The following KRT14 variants were observed in gnomAD, a reference collection of about 807,000 sequenced individuals.
KRT14 encodes the protein keratin, type I cytoskeletal 14.
KRT14 carries 30 observed loss-of-function variants against 44.5 expected under a neutral mutation model. That is an observed-to-expected ratio of 0.67 (90% CI 0.50 to 0.92). The LOEUF is 0.92. KRT14 is among the 40% of genes least tolerant of loss of function. The probability of loss-of-function intolerance (pLI) is 0.00; values close to 1 mark genes in which losing one functional copy is unlikely to be tolerated. For missense variants in KRT14, 535 were observed against 640.6 expected (o/e 0.84, Z 1.78); for synonymous variants, 241 against 257.6 (o/e 0.94, Z 0.62).
chr17:41,584,913 C>A (rs1907476465), intron 2 of KRT14, 62 bp downstream of exon 2: 5 of 1,282,710 alleles, frequency 3.9e-6, no homozygotes, highest in Admixed American at 3.4e-5. Flanking sequence ...TTGGGAAACA[C>A]TGCTCCAAAA....
chr17:41,586,272 C>G, intron 1 of KRT14, 38 bp downstream of exon 1: 1 of 1,611,574 alleles, frequency 6.2e-7, no homozygotes, highest in Middle Eastern at 2.3e-4. Context: ...CCAGAAGGAG[C>G]TAGCTGGAAT....
rs1189537125 is a variant in KRT14, at chr17:41,586,776, A to C, written c.59T>G (p.Ile20Ser). ...SSSSMKGSCG[I>S]GGGIGGGSSR... is the part of the protein sequence containing the mutation. ...GGAGCCGCCCCCGATGCCGCCCCCG[A>C]TGCCGCAGGAGCCCTTCATGGAGCT... The change falls in exon 1 of 8, where the codon ATC becomes AGC. Residue 20 changes from isoleucine (I) to serine (S), a missense_variant. Transcript: ENST00000167586. 4.4e-6 allele frequency: 7 copies of C among 1,586,124 alleles called. No individual in the cohort carries two copies. The South Asian group carries it at 7.9e-5, about 18-fold the overall frequency.
rs1907453601 is a variant in KRT14, at chr17:41,584,309, T to C, written c.713A>G (p.Gln238Arg). The change falls in exon 3 of 8, where the codon CAG becomes CGG. Residue 238 changes from glutamine (Q) to arginine (R), a missense_variant. Gln to Arg is a conservative substitution (Grantham distance 43, BLOSUM62 1). Coordinates refer to ENST00000167586, the MANE Select transcript of KRT14 (RefSeq NM_000526.5). ...CAGCTCCTCCTTCAGGCTCTCAATC[T>C]GCATCTCCAGGTCAGCTCTGGCCAG... Reference protein sequence around the residue: ...LTLARADLEMQIESLKEELAY... With the variant: ...LTLARADLEMRIESLKEELAY... The C allele has an allele frequency of 6.2e-6, 10 of 1,614,016 alleles. No individual in the cohort carries two copies. The highest frequency in any genetic ancestry group is 6.8e-6 in the Non-Finnish European group (8 of 1,180,014).
Position 41,583,362 on chromosome 17 carries a change from G to T in KRT14, c.1147C>A (p.Gln383Lys). The change falls in exon 6 of 8, where the codon CAG becomes AAG. Residue 383 changes from glutamine (Q) to lysine (K), a missense_variant. Gln to Lys is a moderately conservative substitution (Grantham distance 53). Coordinates refer to ENST00000167586, the MANE Select transcript of KRT14 (RefSeq NM_000526.5). Reference protein sequence around the residue: ...IQEMIGSVEEQLAQLRCEMEQ... With the variant: ...IQEMIGSVEEKLAQLRCEMEQ... ...ATCTCGCAGCGGAGCTGGGCCAGCT[G>T]CTCCTCCACGCTGCCAATCATCTCC... 1 of 1,613,726 alleles carries T rather than the reference G, an allele frequency of 6.2e-7. No individual in the cohort carries two copies. Among genetic ancestry groups the T allele is most frequent in the Non-Finnish European group, 8.5e-7 (1 of 1,180,014 alleles).
rs773622623 is a variant in KRT14 at position 41,583,658 on chromosome 17, C to T, written c.946G>A (p.Glu316Lys). Residue 316 changes from glutamate to lysine, a missense_variant, in exon 5 of 8, where the codon GAG becomes AAG. Transcript: ENST00000167586. ...ACCAGCTCGCTGTTGGTGGCCACCT[C>T]GCGGTTCAGCTCCTCTGTCTGCAAA... The part of the protein sequence containing the change: ...FFTKTEELNR[E>K]VATNSELVQS... The T allele has an allele frequency of 1.9e-6, 3 of 1,614,196 alleles. No homozygotes were observed. Among genetic ancestry groups the T allele is most frequent in the East Asian group, 2.2e-5 (1 of 44,886 alleles).
chr17:41,584,069 C>CTTTTTTTTTTTTTTTT, intron 3 of KRT14, 148 bp from the exon 4 acceptor site: 3 of 304,052 alleles, frequency 9.9e-6, no homozygotes, highest in South Asian at 5.9e-5. Context: ...CTCTCTCTCT[C>CTTTTTTTTTTTTTTTT]TTTTTTTTTT....
intron 2 of KRT14, among the ~76,000 whole-genome samples, chr17:41,584,623 G>A (rs561736153): frequency 6.6e-6 from 1 of 152,302 alleles, no homozygotes; most frequent in East Asian, 1.9e-4. Flanking sequence ...TCATCTTGCT[G>A]CAGAAATCAG....
Position 41,582,459 on chromosome 17 carries a change from C to T in KRT14, c.1395G>A (p.Glu465=), listed in dbSNP as rs1433017598. 19 of 1,569,604 alleles carry T rather than the reference C, an allele frequency of 1.2e-5. No individual in the cohort carries two copies. Among genetic ancestry groups the T allele is most frequent in the Non-Finnish European group, 1.6e-5 (19 of 1,157,398 alleles). ...CTCAGTTCTTGGTGCGAAGGACCTG[C>T]TCGTGGGTGGACACCACCTTGCCAT... ...VHDGKVVSTH[E]QVLRTKN is the part of the protein sequence containing the mutation. The change falls in exon 8 of 8, where the codon GAG becomes GAA. Residue 465 remains glutamate (E), a synonymous_variant. Transcript: ENST00000167586.
chr17:41,582,486 G>A lies in KRT14; in HGVS notation c.1368C>T (p.His456=), dbSNP rs372559964. 2.6e-5 allele frequency: 41 copies of A among 1,574,344 alleles called. No individual in the cohort carries two copies. The East Asian group carries it at 3.3e-4, about 13-fold the overall frequency. ...RQIRTKVMDV[H]DGKVVSTHEQ... is the part of the protein sequence containing the mutation. ...CGTGGGTGGACACCACCTTGCCATCGTGCACATCCATGACCTTGGTGCGGA... is the reference window on the plus strand; with the variant it reads ...CGTGGGTGGACACCACCTTGCCATCATGCACATCCATGACCTTGGTGCGGA... Residue 456 remains histidine (H), a synonymous_variant, in exon 8 of 8, where the codon CAC becomes CAT. Transcript: ENST00000167586.
At position 41,583,776 on chromosome 17, in the gene KRT14, T is replaced by G. The variant is rs1354194713; in HGVS notation, c.911A>C (p.Glu304Ala). 2 of 1,614,118 alleles carry G rather than the reference T, an allele frequency of 1.2e-6. No individual in the cohort carries two copies. Among genetic ancestry groups the G allele is most frequent in the Admixed American group, 3.3e-5 (2 of 60,010 alleles). The change falls in exon 4 of 8, where the codon GAA becomes GCA. Residue 304 changes from glutamate (E) to alanine (A), a missense_variant. Coordinates refer to ENST00000167586, the MANE Select transcript of KRT14 (RefSeq NM_000526.5). ...MAEKNRKDAE[E>A]WFFTKTEELN... ...GACACCCACCTTGGTGAAGAACCATTCCTCGGCATCCTTGCGGTTCTTCTC... is the reference window on the plus strand; with the variant it reads ...GACACCCACCTTGGTGAAGAACCATGCCTCGGCATCCTTGCGGTTCTTCTC...
rs201931536 is a variant in KRT14, at chr17:41,586,701, G to A, written c.134C>T (p.Thr45Ile). The change falls in exon 1 of 8, where the codon ACC (threonine) becomes ATC (isoleucine). Residue 45 changes from threonine (T) to isoleucine (I), a missense_variant. Transcript: ENST00000167586. The part of the protein sequence containing the change: ...LAGGSCRAPS[T>I]YGGGLSVSSS... ...TGAGACAGACAGGCCGCCCCCGTAG[G>A]TGCTGGGGGCGCGGCAGGACCCTCC... The A allele has an allele frequency of 9.4e-4, 1,495 of 1,593,160 alleles. 2 individuals carry two copies. Among genetic ancestry groups the A allele is most frequent in the Non-Finnish European group, 1.2e-3 (1,415 of 1,170,340 alleles).
chr17:41,584,885 G>C lies in KRT14; in HGVS notation c.608+90C>G. ...CAGGGAGTTTTCATGCACCTATCCTGGTACTGGCTAGTTCTATTTGGGAAA... is the reference window on the plus strand; with the variant it reads ...CAGGGAGTTTTCATGCACCTATCCTCGTACTGGCTAGTTCTATTTGGGAAA... On this transcript the variant is annotated intron_variant, in intron 2 of 7. Transcript: ENST00000167586. The C allele has an allele frequency of 3.2e-6, 3 of 951,520 alleles. No individual in the cohort carries two copies. The Admixed American group carries it at 5.5e-5, about 17-fold the overall frequency. The allele number at this position is 951,520 out of a possible 1,614,324, so 58.9% of individuals were successfully genotyped here. A position where few individuals can be genotyped will look rare whatever the true frequency, so the allele number is the denominator to read the frequency against.
chr17:41,586,013 G>A (rs923402659), intron 1 of KRT14, among the ~76,000 whole-genome samples: 5 of 152,222 alleles, frequency 3.3e-5, no homozygotes, highest in African/African-American at 7.2e-5. Flanking sequence ...TTTGCTATGT[G>A]ACCTGCAGCT....
chr17:41,586,463 G>A lies in KRT14; in HGVS notation c.372C>T (p.Asp124=), dbSNP rs752374133. ...CCTTGTCCAGGTAGGAGGCCAGGCGGTCATTGAGGTTCTGCATGGTCACCT... is the reference window on the plus strand; with the variant it reads ...CCTTGTCCAGGTAGGAGGCCAGGCGATCATTGAGGTTCTGCATGGTCACCT... ...SEKVTMQNLN[D]RLASYLDKVR... is the part of the protein sequence containing the mutation. Residue 124 remains aspartate (D), a synonymous_variant, in exon 1 of 8, where the codon GAC becomes GAT. Transcript: ENST00000167586. 1.3e-5 allele frequency: 21 copies of A among 1,614,012 alleles called. No homozygotes were observed. Among genetic ancestry groups the A allele is most frequent in the Admixed American group, 3.3e-5 (2 of 60,004 alleles).
At chr17:41,584,454 G>T in intron 2 of KRT14, 41 bp from the exon 3 acceptor site, 1 of 1,610,278 alleles carries the variant, frequency 6.2e-7, no homozygotes, top group Non-Finnish European at 8.5e-7. Context: ...CACCCATCCT[G>T]ATCACAGCGA....
rs768083320 is a variant in KRT14 at position 41,585,007 on chromosome 17, A to G, written c.576T>C (p.Asn192=). 17 of 1,614,044 alleles carry G rather than the reference A, an allele frequency of 1.1e-5. No homozygotes were observed. The highest frequency in any genetic ancestry group is 1.4e-5 in the Non-Finnish European group (17 of 1,179,992). Residue 192 remains asparagine (N), a synonymous_variant, in exon 2 of 8, where the codon AAT becomes AAC. Coordinates refer to ENST00000167586, the MANE Select transcript of KRT14 (RefSeq NM_000526.5). ...DNANVLLQID[N]ARLAADDFRT... Reference sequence around the variant, plus strand: ...GGAAGTCATCCGCGGCCAGACGGGCATTGTCAATCTGCAGAAGGACATTGG... The same window carrying G: ...GGAAGTCATCCGCGGCCAGACGGGCGTTGTCAATCTGCAGAAGGACATTGG...
chr17:41,583,988 C>T, intron 3 of KRT14, 67 bp from the exon 4 acceptor site: 4 of 1,539,680 alleles, frequency 2.6e-6, no homozygotes, highest in Non-Finnish European at 3.6e-6. Context: ...TTCCTTAGGC[C>T]TGAATACTGC....
At chr17:41,583,962 T>C in intron 3 of KRT14, 41 bp from the exon 4 acceptor site, 5 of 1,610,950 alleles carry the variant, frequency 3.1e-6, no homozygotes, top group Non-Finnish European at 4.2e-6. Flanking sequence ...AGTTCCACCA[T>C]GGCAGCGGAT....
rs1303271261 is a variant in KRT14, at chr17:41,582,421, G to A, written c.*14C>T. 21 of 1,551,564 alleles carry A rather than the reference G, an allele frequency of 1.4e-5. 1 individual carries two copies. The highest frequency in any genetic ancestry group is 7.3e-5 in the East Asian group (3 of 41,242). On this transcript the variant is annotated 3_prime_UTR_variant, in exon 8 of 8. Coordinates refer to ENST00000167586, the MANE Select transcript of KRT14 (RefSeq NM_000526.5). ...CACGGGGGGCCTCCTAGGCCTGAGCGGGGCTGGGCAGCCTCAGTTCTTGGT... is the reference window on the plus strand; with the variant it reads ...CACGGGGGGCCTCCTAGGCCTGAGCAGGGCTGGGCAGCCTCAGTTCTTGGT...
Sources: allele counts gnomAD v4.1 joint callset (sites outside exome capture counted in the v4.1 genomes callset), GRCh38; gene constraint gnomAD v4.1.1; transcripts MANE v1.5; gene names NCBI Gene and HGNC (gene_info 2026-07-23, HGNC 2026-07-21).